Variants in CCL2 observed in about 807,000 individuals in gnomAD.
The protein encoded by CCL2 is C-C motif chemokine ligand 2.
Under a neutral mutation model 6.7 loss-of-function variants are expected in CCL2, and 2 were observed. The ratio of observed to expected loss-of-function variants is 0.30; its 90% CI spans 0.12 to 0.94. The LOEUF is 0.94. Among genes scored for constraint, CCL2 ranks in the 40% least tolerant of loss-of-function variants. The pLI is 0.54. For missense variants in CCL2, 89 were observed against 119.3 expected (o/e 0.75, Z 1.18); for synonymous variants, 43 against 45.2 (o/e 0.95, Z 0.19).
At chr17:34,256,526 G>A in intron 2 of CCL2, 187 bp downstream of exon 2, 2 of 617,800 alleles carry the variant, frequency 3.2e-6, no homozygotes, top group Non-Finnish European at 5.8e-6. Context: ...TGCCTATTCA[G>A]AACACCCCAA....
In CCL2 at chr17:34,257,131, C is replaced by A. The variant is rs1333767946; in HGVS notation, c.*304C>A. On this transcript the variant is annotated 3_prime_UTR_variant, in exon 3 of 3. Transcript: ENST00000225831. ...AAGAATTTTTTTTAACATTCCAATGCATTGCTAAAATATTATTGTGGAAAT... is the reference window on the plus strand; with the variant it reads ...AAGAATTTTTTTTAACATTCCAATGAATTGCTAAAATATTATTGTGGAAAT... 1.5e-5 allele frequency: 3 copies of A among 203,036 alleles called. No homozygotes were observed. Among genetic ancestry groups the A allele is most frequent in the Non-Finnish European group, 3.0e-5 (3 of 101,286 alleles). 12.6% of individuals were successfully genotyped at this position (203,036 alleles called of 1,614,324 possible).
rs1907664414 is a variant in CCL2 at position 34,255,670 on chromosome 17, G to A, written c.76+245G>A. The A allele has an allele frequency of 1.2e-5, 6 of 486,286 alleles. No homozygotes were observed. The South Asian group carries it at 1.5e-4, about 12-fold the overall frequency. 30.1% of individuals were successfully genotyped at this position (486,286 alleles called of 1,614,324 possible). On this transcript the variant is annotated intron_variant, in intron 1 of 2. Transcript: ENST00000225831. ...GATTCCAGCTCTGGGAACACACTCAGCGCAGTTACTCCCCCAGCTGCTTCC... is the reference window on the plus strand; with the variant it reads ...GATTCCAGCTCTGGGAACACACTCAACGCAGTTACTCCCCCAGCTGCTTCC...
At chr17:34,256,145 A>T (rs1907677983) in intron 1 of CCL2, 77 bp from the exon 2 acceptor site, 4 of 1,008,784 alleles carry the variant, frequency 4.0e-6, no homozygotes, top group Non-Finnish European at 3.0e-6. Context: ...CTTTTTCCTC[A>T]TGACTCTTTT....
At position 34,255,403 on chromosome 17, in the gene CCL2, T is replaced by TC. The variant is rs774898999; in HGVS notation, c.58dup (p.Gln20ProfsTer18). The TC allele has an allele frequency of 1.2e-6, 2 of 1,613,884 alleles. No individual in the cohort carries two copies. The highest frequency in any genetic ancestry group is 8.5e-7 in the Non-Finnish European group (1 of 1,179,924). ...TGCTGCTCATAGCAGCCACCTTCAT[T>TC]CCCCAAGGGCTCGCTCAGCCAGGTA... On this transcript the variant is annotated frameshift_variant, in exon 1 of 3. Transcript: ENST00000225831. LOFTEE classifies it high-confidence loss of function.
At position 34,256,291 on chromosome 17, in the gene CCL2, C is replaced by A. The variant is rs148937652; in HGVS notation, c.146C>A (p.Ala49Glu). Reference protein sequence around the residue: ...TNRKISVQRLASYRRITSSKC... With the variant: ...TNRKISVQRLESYRRITSSKC... ...AGGAAGATCTCAGTGCAGAGGCTCG[C>A]GAGCTATAGAAGAATCACCAGCAGC... Residue 49 changes from alanine to glutamate, a missense_variant, in exon 2 of 3, where the codon GCG becomes GAG. Physicochemically the swap from Ala to Glu is moderately radical, Grantham distance 107. Coordinates refer to ENST00000225831, the MANE Select transcript of CCL2 (RefSeq NM_002982.4). 6.2e-7 allele frequency: 1 copy of A among 1,613,814 alleles called. No homozygotes were observed.
chr17:34,257,175 A>G lies in CCL2; in HGVS notation c.*348A>G, dbSNP rs1449443249. 1.8e-5 allele frequency: 3 copies of G among 163,032 alleles called. No individual in the cohort carries two copies. In the Admixed American group the frequency reaches 1.9e-4, roughly 10 times the overall value. The allele number at this position is 163,032 out of a possible 1,614,324, so 10.1% of individuals were successfully genotyped here. ...TGGAAATGAATATTTTGTAACTATT[A>G]CACCAAATAAATATATTTTTGTACA... On this transcript the variant is annotated 3_prime_UTR_variant, in exon 3 of 3. Transcript: ENST00000225831.
chr17:34,256,660 G>C, intron 2 of CCL2, 62 bp from the exon 3 acceptor site: 1 of 1,161,730 alleles, frequency 8.6e-7, no homozygotes, highest in Non-Finnish European at 1.3e-6. Context: ...TGCAGAATGG[G>C]CTGCACTTCT....
Position 34,256,810 on chromosome 17 carries a change from C to T in CCL2, c.283C>T (p.Gln95Ter). The T allele has an allele frequency of 6.2e-7, 1 of 1,612,954 alleles. No homozygotes were observed. Among genetic ancestry groups the T allele is most frequent in the Non-Finnish European group, 8.5e-7 (1 of 1,178,984 alleles). Residue 95 changes from glutamine (Q) to a stop codon, truncating the protein, a stop_gained, in exon 3 of 3, where the codon CAA becomes TAA. Coordinates refer to ENST00000225831, the MANE Select transcript of CCL2 (RefSeq NM_002982.4). LOFTEE classifies it high-confidence loss of function. ...DSMDHLDKQT[Q>*]TPKT ...CATGGACCACCTGGACAAGCAAACC[C>T]AAACTCCGAAGACTTGAACACTCAC...
chr17:34,256,285 G>T lies in CCL2; in HGVS notation c.140G>T (p.Arg47Met). 1 of 1,614,042 alleles carries T rather than the reference G, an allele frequency of 6.2e-7. No homozygotes were observed. The highest frequency in any genetic ancestry group is 8.5e-7 in the Non-Finnish European group (1 of 1,179,932). ...NFTNRKISVQ[R>M]LASYRRITSS... ...ACCAATAGGAAGATCTCAGTGCAGAGGCTCGCGAGCTATAGAAGAATCACC... is the reference window on the plus strand; with the variant it reads ...ACCAATAGGAAGATCTCAGTGCAGATGCTCGCGAGCTATAGAAGAATCACC... The change falls in exon 2 of 3, where the codon AGG becomes ATG. Residue 47 changes from arginine to methionine, a missense_variant. Transcript: ENST00000225831.
chr17:34,256,832 T>A lies in CCL2; in HGVS notation c.*5T>A. 5 of 1,590,404 alleles carry A rather than the reference T, an allele frequency of 3.1e-6. No individual in the cohort carries two copies. The highest frequency in any genetic ancestry group is 4.3e-6 in the Non-Finnish European group (5 of 1,158,536). ...ACCCAAACTCCGAAGACTTGAACAC[T>A]CACTCCACAACCCAAGAATCTGCAG... On this transcript the variant is annotated 3_prime_UTR_variant, in exon 3 of 3. Transcript: ENST00000225831.
intron 1 of CCL2, 91 bp from the exon 2 acceptor site, chr17:34,256,131 T>A: frequency 1.2e-6 from 1 of 830,420 alleles, no homozygotes. Flanking sequence ...CTGCCTGCCT[T>A]TTGCTTTTTC....
rs764505290 is a variant in CCL2 at position 34,256,342 on chromosome 17, G to A, written c.194+3G>A. The stretch of plus-strand genomic sequence containing the variant: ...AAGTGTCCCAAAGAAGCTGTGATGT[G>A]AGTTCAGCACACCAACCTTCCCTGG... On this transcript the variant is annotated splice_donor_region_variant and intron_variant, in intron 2 of 2. Transcript: ENST00000225831. 6.3e-7 allele frequency: 1 copy of A among 1,591,754 alleles called. No homozygotes were observed.
chr17:34,256,602 C>A (rs372033538), intron 2 of CCL2, 120 bp from the exon 3 acceptor site: 1 of 691,122 alleles, frequency 1.4e-6, no homozygotes. Context: ...CCCTGGGTTC[C>A]CTCCTTCCAC....
chr17:34,256,722 C>T lies in CCL2; in HGVS notation c.195C>T (p.Ile65=). Residue 65 remains isoleucine, a splice_region_variant and synonymous_variant, in exon 3 of 3, where the codon ATC becomes ATT. Transcript: ENST00000225831. The stretch of plus-strand genomic sequence containing the variant: ...CTAACTCTGTCCTCCCTCCCCACAG[C>T]TTCAAGACCATTGTGGCCAAGGAGA... The part of the protein sequence containing the change: ...TSSKCPKEAV[I]FKTIVAKEIC... 1 of 1,609,636 alleles carries T rather than the reference C, an allele frequency of 6.2e-7. No individual in the cohort carries two copies. Among genetic ancestry groups the T allele is most frequent in the South Asian group, 1.1e-5 (1 of 90,806 alleles).
intron 1 of CCL2, 105 bp from the exon 2 acceptor site, chr17:34,256,117 T>C: frequency 1.4e-6 from 1 of 739,388 alleles, no homozygotes; most frequent in Non-Finnish European, 2.3e-6. Flanking sequence ...CTCTTTGTCT[T>C]CTCCTGCCTG....
At position 34,256,963 on chromosome 17, in the gene CCL2, A is replaced by G. The variant is rs1203832188; in HGVS notation, c.*136A>G. 2 of 562,504 alleles carry G rather than the reference A, an allele frequency of 3.6e-6. No homozygotes were observed. Among genetic ancestry groups the G allele is most frequent in the Non-Finnish European group, 6.5e-6 (2 of 309,692 alleles). The allele number at this position is 562,504 out of a possible 1,614,324, so 34.8% of individuals were successfully genotyped here. Reference sequence around the variant, plus strand: ...TATGCCTTAAGTAATGTTAATTCTTATTTAAGTTATTGATGTTTTAAGTTT... The same window carrying G: ...TATGCCTTAAGTAATGTTAATTCTTGTTTAAGTTATTGATGTTTTAAGTTT... On this transcript the variant is annotated 3_prime_UTR_variant, in exon 3 of 3. Transcript: ENST00000225831.
intron 1 of CCL2, chr17:34,255,810 G>A (rs1279983901): frequency 3.8e-6 from 1 of 263,348 alleles, no homozygotes; most frequent in South Asian, 7.0e-5. Context: ...TTCCAGAGAC[G>A]GTGACTCTGC....
rs1427502009 is a variant in CCL2, at chr17:34,255,354, A to C, written c.5A>C (p.Lys2Thr). M[K>T]VSAALLCLLL... ...GCTCGCACTCTCGCCTCCAGCATGA[A>C]AGTCTCTGCCGCCCTTCTGTGCCTG... The change falls in exon 1 of 3, where the codon AAA becomes ACA. Residue 2 changes from lysine (K) to threonine (T), a missense_variant. Coordinates refer to ENST00000225831, the MANE Select transcript of CCL2 (RefSeq NM_002982.4). 3 of 1,613,598 alleles carry C rather than the reference A, an allele frequency of 1.9e-6. No individual in the cohort carries two copies. Among genetic ancestry groups the C allele is most frequent in the Non-Finnish European group, 2.5e-6 (3 of 1,179,838 alleles).
chr17:34,256,978 G>A lies in CCL2; in HGVS notation c.*151G>A, dbSNP rs1223817198. On this transcript the variant is annotated 3_prime_UTR_variant, in exon 3 of 3. Transcript: ENST00000225831. ...GTTAATTCTTATTTAAGTTATTGAT[G>A]TTTTAAGTTTATCTTTCATGGTACT... is the stretch of plus-strand genomic sequence containing the variant. 7 of 542,004 alleles carry A rather than the reference G, an allele frequency of 1.3e-5. No homozygotes were observed. Among genetic ancestry groups the A allele is most frequent in the Non-Finnish European group, 2.0e-5 (6 of 299,240 alleles). The allele number at this position is 542,004 out of a possible 1,614,324, so 33.6% of individuals were successfully genotyped here. A position where few individuals can be genotyped will look rare whatever the true frequency, so the allele number is the denominator to read the frequency against.
Sources: gnomAD v4.1 joint callset for allele counts on GRCh38, gnomAD v4.1.1 for gene constraint, MANE v1.5 for transcripts, NCBI Gene and HGNC (gene_info 2026-07-23, HGNC 2026-07-21) for gene names.